Variants in GRM8 observed in about 807,000 individuals in gnomAD.
The protein encoded by GRM8 is glutamate metabotropic receptor 8.
In GRM8, 47 loss-of-function variants were observed where a neutral mutation model predicts 87.2. That is an observed-to-expected ratio of 0.54 (90% confidence interval 0.43 to 0.69). GRM8 has a LOEUF of 0.69. Among genes scored for constraint, GRM8 ranks in the 30% least tolerant of loss-of-function variants. GRM8 has a pLI of 0.00. For missense variants in GRM8, 1,019 were observed against 1,139.2 expected, an observed-to-expected ratio of 0.89 and a Z score of 1.52; for synonymous variants, 396 against 404.5, an observed-to-expected ratio of 0.98 and a Z score of 0.25.
intron 7 of GRM8, among the ~76,000 whole-genome samples, chr7:126,683,879 G>A (rs1807884258): frequency 6.6e-6 from 1 of 152,046 alleles, no homozygotes; most frequent in African/African-American, 2.4e-5. Context: ...GAATGAATTT[G>A]GACTGCACTC....
intron 9 of GRM8, among the ~76,000 whole-genome samples, chr7:126,507,896 A>T (rs534386092): frequency 6.6e-6 from 1 of 151,680 alleles, no homozygotes; most frequent in South Asian, 2.1e-4. Flanking sequence ...CAACAACTCC[A>T]TTTCTATTAG....
chr7:126,727,744 T>TA (rs1038844776), intron 7 of GRM8, among the ~76,000 whole-genome samples: 2 of 139,744 alleles, frequency 1.4e-5, no homozygotes, highest in Non-Finnish European at 3.0e-5. Context: ...CACACACCCC[T>TA]AAAAAAACAA....
Position 127,243,125 on chromosome 7 carries a change from A to G in GRM8, c.80T>C (p.Met27Thr). ...CTCCTGGCTGTGAGTTCTTTGCATC[A>G]TTGTGAGGATCCAGTAGAACTTGGC... ...LTAKFYWILT[M>T]MQRTHSQEYA... Residue 27 changes from methionine (M) to threonine (T), a missense_variant, in exon 2 of 11, where the codon ATG becomes ACG. Transcript: ENST00000339582. 4 of 1,613,908 alleles carry G rather than the reference A, an allele frequency of 2.5e-6. No homozygotes were observed. The highest frequency in any genetic ancestry group is 3.4e-6 in the Non-Finnish European group (4 of 1,179,914).
intron 7 of GRM8, among the ~76,000 whole-genome samples, chr7:126,661,502 T>G (rs2151280598): frequency 6.6e-6 from 1 of 152,290 alleles, no homozygotes; most frequent in African/African-American, 2.4e-5. Context: ...AACCCAGCCC[T>G]GGGACCCTCA....
intron 2 of GRM8, among the ~76,000 whole-genome samples, chr7:127,128,604 CT>C (rs1349693530): frequency 1.3e-5 from 2 of 152,084 alleles, no homozygotes; most frequent in African/African-American, 2.4e-5. Flanking sequence ...TATACTATAA[CT>C]TTTGCAACTA....
intron 6 of GRM8, among the ~76,000 whole-genome samples, chr7:126,808,624 T>A (rs888226211): frequency 7.9e-5 from 12 of 152,222 alleles, no homozygotes; most frequent in Non-Finnish European, 1.8e-4. Context: ...ATGCACAGAT[T>A]GTTCCTATAT....
intron 3 of GRM8, among the ~76,000 whole-genome samples, chr7:127,095,223 G>GAC (rs1563502116): frequency 1.3e-5 from 2 of 152,198 alleles, no homozygotes; most frequent in Non-Finnish European, 1.5e-5. Context: ...ACAGAGAGGG[G>GAC]CTCAGGGTTC....
At chr7:126,623,907 C>T (rs1800423887) in intron 7 of GRM8, among the ~76,000 whole-genome samples, 1 of 152,186 alleles carries the variant, frequency 6.6e-6, no homozygotes. Context: ...AGCACCACTG[C>T]ACTCCAGCCT....
chr7:126,737,856 G>GT (rs972995723), intron 7 of GRM8, among the ~76,000 whole-genome samples: 99 of 152,176 alleles, frequency 6.5e-4, no homozygotes, highest in African/African-American at 2.2e-3. Flanking sequence ...TTGCAGTATG[G>GT]TAAGTGCTAC....
rs74678433 is a variant in GRM8 at position 126,533,896 on chromosome 7, A to G, written c.1495-9T>C. On this transcript the variant is annotated splice_polypyrimidine_tract_variant and intron_variant, in intron 8 of 10. Coordinates refer to ENST00000339582, the MANE Select transcript of GRM8 (RefSeq NM_000845.3). ...CACTGCATGTCTTCCACCTGTGGGT[A>G]TAAAAAATTAATGAGCCTTCCATTT... The G allele has an allele frequency of 1.4e-3, 2,174 of 1,590,404 alleles. 24 individuals carry two copies. In the African/African-American group the frequency reaches 0.027, roughly 20 times the overall value.
At chr7:127,192,744 C>T in intron 2 of GRM8, among the ~76,000 whole-genome samples, 1 of 152,204 alleles carries the variant, frequency 6.6e-6, no homozygotes, top group Non-Finnish European at 1.5e-5. Context: ...AACAAAATGT[C>T]TAATCATGCC....
chr7:126,800,211 C>G (rs538250591), intron 6 of GRM8, among the ~76,000 whole-genome samples: 1 of 152,124 alleles, frequency 6.6e-6, no homozygotes, highest in South Asian at 2.1e-4. Context: ...AAACCACAAG[C>G]TCTACGAATC....
chr7:127,155,411 G>A (rs968793842), intron 2 of GRM8, among the ~76,000 whole-genome samples: 1 of 152,050 alleles, frequency 6.6e-6, no homozygotes, highest in South Asian at 2.1e-4. Flanking sequence ...AACTCTCATC[G>A]ATCTTTTAAA....
chr7:126,502,259 A>T (rs1418503319), intron 9 of GRM8, among the ~76,000 whole-genome samples: 3 of 152,080 alleles, frequency 2.0e-5, no homozygotes, highest in African/African-American at 7.2e-5. Flanking sequence ...CACCATCTCT[A>T]CAGTGACAAG....
chr7:126,511,748 C>A (rs1387657484), intron 9 of GRM8: 1 of 152,098 alleles, frequency 6.6e-6, no homozygotes, highest in African/African-American at 2.4e-5. Flanking sequence ...GGAAATAATT[C>A]TTCAGCCAAT....
chr7:126,868,204 G>A (rs1332181912), intron 6 of GRM8, among the ~76,000 whole-genome samples: 3 of 152,236 alleles, frequency 2.0e-5, no homozygotes, highest in African/African-American at 7.2e-5. Flanking sequence ...CATGCCCAGA[G>A]TAAACAACAC....
chr7:126,540,226 G>A (rs1434806304), intron 8 of GRM8, among the ~76,000 whole-genome samples: 2 of 151,822 alleles, frequency 1.3e-5, no homozygotes, highest in Non-Finnish European at 2.9e-5. Flanking sequence ...TAGCTATCAG[G>A]GAAATCTAAA....
intron 7 of GRM8, among the ~76,000 whole-genome samples, chr7:126,715,206 T>C (rs532132261): frequency 6.6e-6 from 1 of 152,344 alleles, no homozygotes; most frequent in South Asian, 2.1e-4. Context: ...TTTTTATTGC[T>C]ATACACAATT....
At chr7:127,020,449 G>T (rs1816147674) in intron 3 of GRM8, among the ~76,000 whole-genome samples, 1 of 152,010 alleles carries the variant, frequency 6.6e-6, no homozygotes, top group African/African-American at 2.4e-5. Context: ...CCCTAGGAGA[G>T]CAGCCAGAAG....
Sources: gnomAD v4.1 joint callset for allele counts (sites outside exome capture counted in the v4.1 genomes callset) on GRCh38, gnomAD v4.1.1 for gene constraint, MANE v1.5 for transcripts, NCBI Gene and HGNC (gene_info 2026-07-23, HGNC 2026-07-21) for gene names.